NRXN3: variants seen among roughly 807,000 people sequenced by gnomAD.
NRXN3 encodes neurexin III.
NRXN3 carries 32 observed loss-of-function variants against 137.6 expected under a neutral mutation model. The ratio of observed to expected loss-of-function variants is 0.23; its 90% CI spans 0.18 to 0.31. NRXN3 has a LOEUF of 0.31. NRXN3 is among the 10% of genes least tolerant of loss of function. The pLI is 1.00. For missense variants in NRXN3, 1,574 were observed against 2,062.5 expected (o/e 0.76, Z 4.59); for synonymous variants, 798 against 784.5 (o/e 1.02, Z -0.29).
At chr14:79,234,857 A>G (rs141532499) in intron 15 of NRXN3, among the ~76,000 whole-genome samples, 46 of 152,196 alleles carry the variant, frequency 3.0e-4, no homozygotes, top group Admixed American at 3.3e-4. Flanking sequence ...GCTCCTGGGA[A>G]CACAATTTGG....
At chr14:78,835,946 G>C (rs1313957863) in intron 10 of NRXN3, among the ~76,000 whole-genome samples, 2 of 152,062 alleles carry the variant, frequency 1.3e-5, no homozygotes, top group Non-Finnish European at 2.9e-5. Flanking sequence ...ACTCCTTCCA[G>C]CCACAACACC....
At chr14:78,492,262 C>G (rs2095683113) in intron 4 of NRXN3, among the ~76,000 whole-genome samples, 1 of 152,050 alleles carries the variant, frequency 6.6e-6, no homozygotes, top group Non-Finnish European at 1.5e-5. Context: ...AGTGCATAAT[C>G]TCTAGATTTT....
At chr14:78,559,337 T>C (rs1162679923) in intron 4 of NRXN3, among the ~76,000 whole-genome samples, 1 of 152,246 alleles carries the variant, frequency 6.6e-6, no homozygotes, top group African/African-American at 2.4e-5. Context: ...AGATCTTTCA[T>C]GTTGCTATGT....
At chr14:78,209,250 G>A (rs964839921) in intron 1 of NRXN3, among the ~76,000 whole-genome samples, 5 of 152,152 alleles carry the variant, frequency 3.3e-5, no homozygotes, top group African/African-American at 1.2e-4. Context: ...GTGGGAAGAA[G>A]AGGCAGGTGA....
At chr14:79,458,981 T>G (rs1450088088) in intron 15 of NRXN3, among the ~76,000 whole-genome samples, 1 of 152,148 alleles carries the variant, frequency 6.6e-6, no homozygotes, top group African/African-American at 2.4e-5. Context: ...TTGCTGTTTT[T>G]GTTTTGTTTT....
chr14:78,650,121 G>A (rs2097726090), intron 5 of NRXN3, among the ~76,000 whole-genome samples: 1 of 151,960 alleles, frequency 6.6e-6, no homozygotes, highest in Non-Finnish European at 1.5e-5. Flanking sequence ...AGTAAGGGAG[G>A]TGGCAGGCAG....
intron 10 of NRXN3, among the ~76,000 whole-genome samples, chr14:78,923,009 T>C (rs983576547): frequency 2.0e-5 from 3 of 152,182 alleles, no homozygotes; most frequent in African/African-American, 7.2e-5. Flanking sequence ...CTTATTCCAG[T>C]CTGCTTCATT....
chr14:78,516,007 A>C (rs1234802239), intron 4 of NRXN3, among the ~76,000 whole-genome samples: 1 of 152,098 alleles, frequency 6.6e-6, no homozygotes, highest in East Asian at 1.9e-4. Context: ...TGTGAGGACT[A>C]ATGACAAATT....
intron 10 of NRXN3, among the ~76,000 whole-genome samples, chr14:78,855,757 G>A (rs955126539): frequency 2.6e-5 from 4 of 152,080 alleles, no homozygotes; most frequent in Admixed American, 1.3e-4. Flanking sequence ...GTGGAGATTC[G>A]TTCATGATTG....
chr14:78,519,638 T>G (rs553498814), intron 4 of NRXN3, among the ~76,000 whole-genome samples: 1 of 152,270 alleles, frequency 6.6e-6, no homozygotes, highest in South Asian at 2.1e-4. Context: ...CTGTAATACA[T>G]GGTGAGGAAG....
At chr14:78,915,370 A>AAAAAAAAAAAAAAAAAAAAAAAT (rs2099252374) in intron 10 of NRXN3, among the ~76,000 whole-genome samples, 1 of 145,154 alleles carries the variant, frequency 6.9e-6, no homozygotes, top group African/African-American at 2.6e-5. Flanking sequence ...AAAAAAAAAA[A>AAAAAAAAAAAAAAAAAAAAAAAT]AACCACACAG....
At chr14:79,031,842 C>T (rs1041054887) in intron 15 of NRXN3, among the ~76,000 whole-genome samples, 1 of 152,142 alleles carries the variant, frequency 6.6e-6, no homozygotes, top group African/African-American at 2.4e-5. Flanking sequence ...ATCAAATTAT[C>T]TCCAGTTTTT....
chr14:78,707,593 G>A (rs928713636), intron 6 of NRXN3, among the ~76,000 whole-genome samples: 1 of 152,146 alleles, frequency 6.6e-6, no homozygotes, highest in Admixed American at 6.5e-5. Context: ...GGGTTCAGGT[G>A]GTGTTTGGTT....
intron 4 of NRXN3, among the ~76,000 whole-genome samples, chr14:78,384,478 G>T (rs1598060941): frequency 6.6e-6 from 1 of 152,098 alleles, no homozygotes; most frequent in Non-Finnish European, 1.5e-5. Flanking sequence ...GTTTATTCAT[G>T]TGTAGCATGA....
In NRXN3 at chr14:78,699,799, A is replaced by G. The variant is rs77324411; in HGVS notation, c.1222-9418A>G. ...TTCTAAAACAGAAGGAAATGTAGGC[A>G]TTCTCTGGGTAGGTTTGTTTAGTGC... On this transcript the variant is annotated intron_variant, in intron 6 of 20. Coordinates refer to ENST00000335750, the MANE Select transcript of NRXN3 (RefSeq NM_001330195.2). 1.6e-3 allele frequency among the ~76,000 whole-genome samples: 243 copies of G among 152,316 alleles called. 8 individuals carry two copies. The East Asian group carries it at 0.045, about 28-fold the overall frequency.
chr14:78,574,329 C>T (rs574722386), intron 4 of NRXN3, among the ~76,000 whole-genome samples: 79 of 152,314 alleles, frequency 5.2e-4, no homozygotes, highest in African/African-American at 1.8e-3. Context: ...GGACTAGCAT[C>T]CTCCAGACTT....
chr14:79,666,088 C>A (rs2098555938), intron 17 of NRXN3, among the ~76,000 whole-genome samples: 2 of 152,174 alleles, frequency 1.3e-5, no homozygotes, highest in Middle Eastern at 3.4e-3. Context: ...ACATGTAATT[C>A]AAAATACAGT....
chr14:79,080,989 T>C (rs2046884023), intron 15 of NRXN3, among the ~76,000 whole-genome samples: 1 of 152,190 alleles, frequency 6.6e-6, no homozygotes, highest in Non-Finnish European at 1.5e-5. Context: ...TTTTGGTTTT[T>C]GAATCTCTGC....
intron 4 of NRXN3, among the ~76,000 whole-genome samples, chr14:78,506,033 A>G (rs966970120): frequency 6.6e-6 from 1 of 152,162 alleles, no homozygotes; most frequent in Non-Finnish European, 1.5e-5. Flanking sequence ...TGAAGTGCTC[A>G]ATACCATATT....
Sources: allele counts gnomAD v4.1 joint callset (sites outside exome capture counted in the v4.1 genomes callset), GRCh38; gene constraint gnomAD v4.1.1; transcripts MANE v1.5; gene names NCBI Gene and HGNC (gene_info 2026-07-23, HGNC 2026-07-21).